The following ANKRD31 variants were observed in gnomAD, a reference collection of about 807,000 sequenced individuals.
ANKRD31 encodes the protein ankyrin repeat domain 31.
ANKRD31 carries 147 observed loss-of-function variants against 186.0 expected under a neutral mutation model. That is an observed-to-expected ratio of 0.79 (90% CI 0.69 to 0.91). ANKRD31 has a LOEUF of 0.91. ANKRD31 is among the 40% of genes least tolerant of loss of function. The pLI, the probability that ANKRD31 is intolerant of heterozygous loss-of-function variation, is 0.00. For synonymous variants in ANKRD31, 673 were observed against 736.4 expected, an observed-to-expected ratio of 0.91 and a Z score of 1.39; for missense variants, 1,986 against 2,148.8, an observed-to-expected ratio of 0.92 and a Z score of 1.50.
At chr5:75,192,953 A>T (rs1755212885) in intron 8 of ANKRD31, among the ~76,000 whole-genome samples, 177 bp from the exon 9 acceptor site, 1 of 152,198 alleles carries the variant, frequency 6.6e-6, no homozygotes, top group Admixed American at 6.5e-5. Flanking sequence ...TGCAGCAGGC[A>T]TGCCAGTCAT....
intron 10 of ANKRD31, among the ~76,000 whole-genome samples, chr5:75,184,555 A>G (rs1472294371): frequency 6.6e-6 from 1 of 151,672 alleles, no homozygotes; most frequent in African/African-American, 2.4e-5. Context: ...TAGCCAAAAA[A>G]TAATAATAAT....
chr5:75,175,076 G>A (rs867547226), intron 10 of ANKRD31, among the ~76,000 whole-genome samples: 1 of 152,182 alleles, frequency 6.6e-6, no homozygotes, highest in Non-Finnish European at 1.5e-5. Flanking sequence ...CATGTCCTTT[G>A]CAGGGACATG....
At chr5:75,213,341 C>G (rs538030822) in intron 3 of ANKRD31, among the ~76,000 whole-genome samples, 3 of 152,266 alleles carry the variant, frequency 2.0e-5, no homozygotes, top group African/African-American at 7.2e-5. Context: ...CTTGACTGTA[C>G]CTACTTAAGG....
chr5:75,082,043 C>T (rs1372379032), intron 24 of ANKRD31, among the ~76,000 whole-genome samples: 1 of 152,066 alleles, frequency 6.6e-6, no homozygotes, highest in Non-Finnish European at 1.5e-5. Context: ...TTTCTTAAGC[C>T]CTTTAACTTC....
Position 75,141,025 on chromosome 5 carries a change from A to G in ANKRD31, c.3596-2042T>C, listed in dbSNP as rs540044050. On this transcript the variant is annotated intron_variant, in intron 15 of 25. Coordinates refer to ENST00000506364, the MANE Select transcript of ANKRD31 (RefSeq NM_001372053.1). ...CTACTGAATCAGATTCTTTGAGGGT[A>G]GGGCCCAGCAATCTGTGTTTTAACA... Among the ~76,000 whole-genome samples, 4 of 152,090 alleles carry G rather than the reference A, an allele frequency of 2.6e-5. No individual in the cohort carries two copies. In the South Asian group the frequency reaches 6.2e-4, roughly 24 times the overall value.
intron 3 of ANKRD31, among the ~76,000 whole-genome samples, chr5:75,221,610 C>T (rs1757305393): frequency 6.6e-6 from 1 of 152,116 alleles, no homozygotes; most frequent in Non-Finnish European, 1.5e-5. Flanking sequence ...CAAAAGAAAA[C>T]ACAGTTCACT....
rs1211870096 is a variant in ANKRD31 at position 75,104,462 on chromosome 5, G to C, written c.5097C>G (p.Val1699=). The change falls in exon 22 of 26, where the codon GTC becomes GTG. Residue 1699 remains valine (V), a synonymous_variant. Transcript: ENST00000506364. ...TCTGATGCACTGTATCACTGCCTAA[G>C]ACAGCAATCCCTTGATGTGCCAGAG... ...SESLAHQGIA[V]LGSDTVHQMK... is the part of the protein sequence containing the mutation. 2.6e-6 allele frequency: 4 copies of C among 1,537,080 alleles called. No homozygotes were observed. The Admixed American group carries it at 5.9e-5, about 23-fold the overall frequency.
intron 10 of ANKRD31, among the ~76,000 whole-genome samples, chr5:75,175,966 G>T (rs545682011): frequency 5.3e-4 from 81 of 152,136 alleles, no homozygotes; most frequent in Non-Finnish European, 1.1e-3. Context: ...CAAGGGGTCA[G>T]GGAATTCCAT....
intron 17 of ANKRD31, among the ~76,000 whole-genome samples, chr5:75,122,802 T>C (rs1748908149): frequency 6.6e-6 from 1 of 151,990 alleles, no homozygotes; most frequent in Non-Finnish European, 1.5e-5. Flanking sequence ...ATAAAGGCCA[T>C]ATGCAACAAA....
At chr5:75,068,919 AGGTAGT>A (rs1262686067) in intron 25 of ANKRD31, among the ~76,000 whole-genome samples, 29 of 143,326 alleles carry the variant, frequency 2.0e-4, no homozygotes, top group African/African-American at 7.4e-4. Flanking sequence ...AAGCTTCTGA[AGGTAGT>A]GGTACAAGCT....
At chr5:75,135,851 G>A (rs999342950) in intron 17 of ANKRD31, among the ~76,000 whole-genome samples, 16 of 152,128 alleles carry the variant, frequency 1.1e-4, no homozygotes, top group Non-Finnish European at 1.9e-4. Context: ...AGAGCCCTCA[G>A]AAATAATACC....
At chr5:75,193,162 CA>C in intron 8 of ANKRD31, 148 bp downstream of exon 8, 1 of 1,018,228 alleles carries the variant, frequency 9.8e-7, no homozygotes, top group Non-Finnish European at 1.4e-6. Flanking sequence ...TGGCACTGAT[CA>C]AAAACTGCAA....
rs80160026 is a variant in ANKRD31, at chr5:75,227,677, T to C, written c.178+2885A>G. 3.3e-3 allele frequency among the ~76,000 whole-genome samples: 495 copies of C among 152,300 alleles called. 4 individuals are homozygous for C. The highest frequency in any genetic ancestry group is 0.012 in the African/African-American group (482 of 41,558). ...CATTCTACCATATCCTAATATAGCA[T>C]AGTTTTCTTTATTCTTTCATTTTCC... On this transcript the variant is annotated intron_variant, in intron 2 of 25. Coordinates refer to ENST00000506364, the MANE Select transcript of ANKRD31 (RefSeq NM_001372053.1).
At chr5:75,093,440 C>T (rs1225162667) in intron 22 of ANKRD31, among the ~76,000 whole-genome samples, 1 of 152,012 alleles carries the variant, frequency 6.6e-6, no homozygotes, top group Non-Finnish European at 1.5e-5. Flanking sequence ...TGAGATTGCA[C>T]CACTGCACTC....
At chr5:75,123,974 T>C (rs893719860) in intron 17 of ANKRD31, among the ~76,000 whole-genome samples, 7 of 151,444 alleles carry the variant, frequency 4.6e-5, no homozygotes, top group Admixed American at 1.3e-4. Flanking sequence ...AAGGGAATAA[T>C]AAAAAAAAGT....
intron 22 of ANKRD31, among the ~76,000 whole-genome samples, chr5:75,099,856 A>G (rs1746674264): frequency 6.6e-6 from 1 of 151,782 alleles, no homozygotes; most frequent in African/African-American, 2.4e-5. Flanking sequence ...AATTTTGTTG[A>G]TCTTTTCAAA....
intron 12 of ANKRD31, among the ~76,000 whole-genome samples, chr5:75,153,108 G>T (rs1751947495): frequency 6.6e-6 from 1 of 152,020 alleles, no homozygotes; most frequent in Non-Finnish European, 1.5e-5. Flanking sequence ...CAGGTTGTCA[G>T]CAGCCTTATG....
intron 25 of ANKRD31, among the ~76,000 whole-genome samples, chr5:75,073,757 G>A (rs1744417807): frequency 6.6e-6 from 1 of 152,094 alleles, no homozygotes; most frequent in Non-Finnish European, 1.5e-5. Context: ...ATAATACTTT[G>A]TATTCTAAAC....
In ANKRD31 at chr5:75,146,605, T is replaced by C; in HGVS notation, c.2806A>G (p.Asn936Asp). 1 of 1,535,332 alleles carries C rather than the reference T, an allele frequency of 6.5e-7. No individual in the cohort carries two copies. Among genetic ancestry groups the C allele is most frequent in the Non-Finnish European group, 8.7e-7 (1 of 1,146,100 alleles). The change falls in exon 14 of 26, where the codon AAT becomes GAT. Residue 936 changes from asparagine (N) to aspartate (D), a missense_variant. Coordinates refer to ENST00000506364, the MANE Select transcript of ANKRD31 (RefSeq NM_001372053.1). Reference protein sequence around the residue: ...KHYNFKENLTNKKEMGFQQFL... With the variant: ...KHYNFKENLTDKKEMGFQQFL... ...TGTTGGAAACCCATTTCTTTTTTAT[T>C]TGTTAAATTCTCCTTAAAATTATAG...
Sources: allele counts gnomAD v4.1 joint callset (sites outside exome capture counted in the v4.1 genomes callset), GRCh38; gene constraint gnomAD v4.1.1; transcripts MANE v1.5; gene names NCBI Gene and HGNC (gene_info 2026-07-23, HGNC 2026-07-21).